GALNT12: variants seen among roughly 807,000 people sequenced by gnomAD.
GALNT12 encodes the protein UDP-GalNAc:polypeptide N-acetylgalactosaminyltransferase 12.
In GALNT12, 45 loss-of-function variants were observed where a neutral mutation model predicts 55.5. The observed-to-expected ratio is 0.81, with a 90% CI of 0.64 to 1.04. The LOEUF is 1.04. Ranked by LOEUF, GALNT12 falls within the 50% of genes least tolerant of loss-of-function variation. GALNT12 has a pLI of 0.00. For synonymous variants in GALNT12, 304 were observed against 312.2 expected (o/e 0.97, Z 0.28); for missense variants, 709 against 754.8 (o/e 0.94, Z 0.71).
chr9:98,823,004 T>C (rs1212636286), intron 1 of GALNT12, among the ~76,000 whole-genome samples: 1 of 152,180 alleles, frequency 6.6e-6, no homozygotes, highest in Non-Finnish European at 1.5e-5. Context: ...CTCGTTTGTA[T>C]GTTGCTCAAA....
chr9:98,811,455 G>T (rs1046797989), intron 1 of GALNT12, among the ~76,000 whole-genome samples: 2 of 152,144 alleles, frequency 1.3e-5, no homozygotes, highest in African/African-American at 4.8e-5. Flanking sequence ...TGCCCTCAGG[G>T]CTGGACATTT....
chr9:98,848,493 A>G (rs371042946), intron 9 of GALNT12, among the ~76,000 whole-genome samples: 168 of 152,318 alleles, frequency 1.1e-3, no homozygotes, highest in Non-Finnish European at 2.0e-3. Context: ...ACAGGTGAGT[A>G]GCTCAGGCCA....
chr9:98,822,615 G>A (rs2118350157), intron 1 of GALNT12, among the ~76,000 whole-genome samples: 1 of 152,258 alleles, frequency 6.6e-6, no homozygotes, highest in Non-Finnish European at 1.5e-5. Flanking sequence ...GTAGGTCCTA[G>A]CCACAATTCT....
At chr9:98,811,737 C>T (rs1835500251) in intron 1 of GALNT12, among the ~76,000 whole-genome samples, 1 of 139,758 alleles carries the variant, frequency 7.2e-6, no homozygotes, top group Admixed American at 7.7e-5. Flanking sequence ...GGCTGGAGTA[C>T]AATGGTGCGA....
chr9:98,832,130 CAT>C lies in GALNT12; in HGVS notation c.917+174_917+175del, dbSNP rs553095308. The stretch of plus-strand genomic sequence containing the variant: ...ATTTTTATTAAACGTGTCTGCTACA[CAT>C]GTCAATTTTATATCGGTATATTTTA... On this transcript the variant is annotated intron_variant, in intron 4 of 9. Coordinates refer to ENST00000375011, the MANE Select transcript of GALNT12 (RefSeq NM_024642.5). Among the ~76,000 whole-genome samples, 193 of 152,324 alleles carry C rather than the reference CAT, an allele frequency of 1.3e-3. 1 individual carries two copies. The highest frequency in any genetic ancestry group is 4.2e-3 in the African/African-American group (176 of 41,566).
chr9:98,827,196 C>G (rs1835877359), intron 3 of GALNT12, among the ~76,000 whole-genome samples: 1 of 152,054 alleles, frequency 6.6e-6, no homozygotes, highest in Non-Finnish European at 1.5e-5. Context: ...CTTCTTTTTT[C>G]TTTTTATTTT....
chr9:98,838,972 A>G lies in GALNT12; in HGVS notation c.1213-1030A>G, dbSNP rs565538047. On this transcript the variant is annotated intron_variant, in intron 6 of 9. Coordinates refer to ENST00000375011, the MANE Select transcript of GALNT12 (RefSeq NM_024642.5). ...CCTCTTGCTCTGCTCTGCAGAGCCC[A>G]TGGGTTCTCAGCTGGACTCCCACTC... Among the ~76,000 whole-genome samples the G allele has an allele frequency of 7.0e-4, 106 of 152,264 alleles. 1 individual carries two copies. The highest frequency in any genetic ancestry group is 2.5e-3 in the African/African-American group (103 of 41,546).
At chr9:98,838,149 A>G (rs1302797636) in intron 6 of GALNT12, among the ~76,000 whole-genome samples, 2 of 152,172 alleles carry the variant, frequency 1.3e-5, no homozygotes, top group Admixed American at 1.3e-4. Flanking sequence ...ACCTCCCTCT[A>G]GAGCCTTCTT....
At chr9:98,840,603 G>C (rs936961643) in intron 7 of GALNT12, among the ~76,000 whole-genome samples, 5 of 152,200 alleles carry the variant, frequency 3.3e-5, no homozygotes, top group Non-Finnish European at 1.5e-5. Flanking sequence ...TGCTGGGAAT[G>C]ACACCAGCTT....
At chr9:98,824,626 G>A (rs1201189991) in intron 2 of GALNT12, among the ~76,000 whole-genome samples, 1 of 152,184 alleles carries the variant, frequency 6.6e-6, no homozygotes, top group Non-Finnish European at 1.5e-5. Flanking sequence ...AAGCCAGGCT[G>A]GGGTTTGGTG....
At chr9:98,839,384 T>G (rs1836233707) in intron 6 of GALNT12, among the ~76,000 whole-genome samples, 1 of 152,262 alleles carries the variant, frequency 6.6e-6, no homozygotes, top group Admixed American at 6.5e-5. Context: ...CACTCAGCAT[T>G]TTTCTTGTGG....
chr9:98,810,017 G>A (rs1042238637), intron 1 of GALNT12, among the ~76,000 whole-genome samples: 3 of 152,236 alleles, frequency 2.0e-5, no homozygotes, highest in African/African-American at 7.2e-5. Context: ...TACCCAGCCA[G>A]AGAGAAAGGT....
intron 9 of GALNT12, chr9:98,847,569 T>G (rs920526366): frequency 2.0e-5 from 3 of 152,208 alleles, no homozygotes; most frequent in Non-Finnish European, 4.4e-5. Flanking sequence ...AAAGGAAGTT[T>G]GTTCAGGAGG....
intron 8 of GALNT12, 32 bp from the exon 9 acceptor site, chr9:98,845,945 G>A: frequency 6.2e-7 from 1 of 1,612,664 alleles, no homozygotes; most frequent in Non-Finnish European, 8.5e-7. Context: ...AGTGGAAAAT[G>A]TTGTGTTACA....
intron 1 of GALNT12, among the ~76,000 whole-genome samples, chr9:98,811,793 C>T (rs533986175): frequency 6.6e-6 from 1 of 151,826 alleles, no homozygotes; most frequent in South Asian, 2.1e-4. Flanking sequence ...AGCCATTCTC[C>T]TGCCTCAGCC....
At chr9:98,830,003 C>T (rs1198172496) in intron 3 of GALNT12, among the ~76,000 whole-genome samples, 1 of 152,200 alleles carries the variant, frequency 6.6e-6, no homozygotes, top group Non-Finnish European at 1.5e-5. Context: ...AGTAGAATTG[C>T]AGGATCATAT....
At chr9:98,827,781 T>G (rs1835892949) in intron 3 of GALNT12, among the ~76,000 whole-genome samples, 2 of 152,206 alleles carry the variant, frequency 1.3e-5, no homozygotes, top group African/African-American at 4.8e-5. Context: ...TATACCAGTA[T>G]AGTCATAAAA....
intron 7 of GALNT12, among the ~76,000 whole-genome samples, chr9:98,840,656 G>A (rs1456873422): frequency 6.6e-6 from 1 of 152,134 alleles, no homozygotes; most frequent in Non-Finnish European, 1.5e-5. Flanking sequence ...AGAAGTGCTG[G>A]TGTTCCATTC....
At position 98,846,007 on chromosome 9, in the gene GALNT12, C is replaced by G. The variant is rs775453262; in HGVS notation, c.1489C>G (p.Arg497Gly). ...FFEYTSQKEI[R>G]YNTHQPEGCI... ...CGAGTACACGTCCCAGAAAGAAATA[C>G]GCTATAACACCCACCAGCCTGAGGG... is the stretch of plus-strand genomic sequence containing the variant. The change falls in exon 9 of 10, where the codon CGC (arginine) becomes GGC (glycine). Residue 497 changes from arginine to glycine, a missense_variant. Arg to Gly is a moderately radical substitution (Grantham distance 125, BLOSUM62 -2). This residue lies in a region of GALNT12 where 262 missense variants were observed against 310.7 expected (regional missense o/e 0.84). Transcript: ENST00000375011. The G allele has an allele frequency of 6.2e-7, 1 of 1,614,138 alleles. No homozygotes were observed. Among genetic ancestry groups the G allele is most frequent in the Admixed American group, 1.7e-5 (1 of 60,022 alleles).
Sources: gnomAD v4.1 joint callset for allele counts (sites outside exome capture counted in the v4.1 genomes callset) on GRCh38, gnomAD v4.1.1 for gene constraint, gnomAD v4.1.1 regional missense constraint, MANE v1.5 for transcripts, NCBI Gene and HGNC (gene_info 2026-07-23, HGNC 2026-07-21) for gene names.